Variants in FBLN7 observed in about 807,000 individuals in gnomAD.
FBLN7 encodes fibulin-7.
A neutral mutation model predicts 44.0 loss-of-function variants in FBLN7; 31 were observed. The observed-to-expected ratio is 0.70, with a 90% confidence interval of 0.53 to 0.95. The LOEUF is 0.95. Among genes scored for constraint, FBLN7 ranks in the 40% least tolerant of loss-of-function variants. The pLI is 0.00. For synonymous variants in FBLN7, 262 were observed against 253.4 expected, an observed-to-expected ratio of 1.03 and a Z score of -0.32; for missense variants, 573 against 618.5, an observed-to-expected ratio of 0.93 and a Z score of 0.78.
chr2:112,237,800 C>T, the FBLN7 span, among the ~76,000 whole-genome samples: 1 of 152,112 alleles, frequency 6.6e-6, no homozygotes, highest in South Asian at 2.1e-4. Context: ...CTCCTGACCT[C>T]AAGTGATCCA....
chr2:112,160,738 GCA>G (rs3080965), intron 2 of FBLN7, among the ~76,000 whole-genome samples: 68,560 of 135,134 alleles, frequency 0.51, 16,081 homozygotes, highest in Middle Eastern at 0.68. Context: ...GCACGCACAC[GCA>G]CACACGCGCA....
At chr2:112,160,766 A>ACGCAGACGCACACGCACGCACACGCACG (rs1157536298) in intron 2 of FBLN7, among the ~76,000 whole-genome samples, 3 of 35,436 alleles carry the variant, frequency 8.5e-5, no homozygotes, top group African/African-American at 4.5e-4. Flanking sequence ...ACACGCACGC[A>ACGCAGACGCACACGCACGCACACGCACG]CACGCAGACG....
Position 112,159,678 on chromosome 2 carries a change from C to G in FBLN7, c.78C>G (p.Asn26Lys), listed in dbSNP as rs1195877696. 3 of 1,552,270 alleles carry G rather than the reference C, an allele frequency of 1.9e-6. No individual in the cohort carries two copies. Among genetic ancestry groups the G allele is most frequent in the South Asian group, 1.2e-5 (1 of 84,990 alleles). ...LACPEPRASQNCLSKQQLLSA... is the reference protein window; with the variant it reads ...LACPEPRASQKCLSKQQLLSA... ...GCGGCGATGTCTTCTCTCCGCAGAA[C>G]TGTCTCAGCAAACAGCAGCTCCTCT... The change falls in exon 2 of 8, where the codon AAC becomes AAG. Residue 26 changes from asparagine to lysine, a missense_variant and splice_region_variant. By Grantham distance (94) the Asn-to-Lys change is moderately conservative. Transcript: ENST00000331203.
chr2:112,173,953 G>A (rs1030332059), intron 3 of FBLN7, among the ~76,000 whole-genome samples: 4 of 152,230 alleles, frequency 2.6e-5, no homozygotes, highest in Non-Finnish European at 4.4e-5. Context: ...ACAGCTGTGC[G>A]TTTCTCTGCT....
At chr2:112,201,340 C>T in the FBLN7 span, among the ~76,000 whole-genome samples, 4 of 152,232 alleles carry the variant, frequency 2.6e-5, no homozygotes. Flanking sequence ...AGCCTTGTCA[C>T]AGGTCCTTGC....
At chr2:112,171,491 C>T (rs188594413) in intron 3 of FBLN7, among the ~76,000 whole-genome samples, 1 of 152,092 alleles carries the variant, frequency 6.6e-6, no homozygotes, top group African/African-American at 2.4e-5. Context: ...TGAGGCCTTT[C>T]CCCCGAGACC....
At chr2:112,215,811 G>C in the FBLN7 span, 1 of 152,056 alleles carries the variant, frequency 6.6e-6, no homozygotes, top group African/African-American at 2.4e-5. Flanking sequence ...AAACCAATGA[G>C]AAAGATAAAT....
chr2:112,196,860 G>T, the FBLN7 span, among the ~76,000 whole-genome samples: 1 of 152,120 alleles, frequency 6.6e-6, no homozygotes. Context: ...GGCTGGGGAG[G>T]CCTCACAATC....
chr2:112,141,283 C>T (rs1380668774), intron 1 of FBLN7, among the ~76,000 whole-genome samples: 2 of 152,222 alleles, frequency 1.3e-5, no homozygotes, highest in Admixed American at 1.3e-4. Context: ...TATTCAAGGT[C>T]ACACAACCAG....
Position 112,161,809 on chromosome 2 carries a change from T to G in FBLN7, c.235+1974T>G, listed in dbSNP as rs543427441. 2.1e-4 allele frequency among the ~76,000 whole-genome samples: 32 copies of G among 152,356 alleles called. No individual in the cohort carries two copies. The South Asian group carries it at 2.3e-3, about 11-fold the overall frequency. On this transcript the variant is annotated intron_variant, in intron 2 of 7. Transcript: ENST00000331203. Reference sequence around the variant, plus strand: ...ATTTTTTAAAGTGCCAAATTCTCTTTTTAAAAAATCGCCATCATGTATTGT... The same window carrying G: ...ATTTTTTAAAGTGCCAAATTCTCTTGTTAAAAAATCGCCATCATGTATTGT...
chr2:112,169,217 G>A (rs1682324718), intron 3 of FBLN7, among the ~76,000 whole-genome samples: 1 of 152,148 alleles, frequency 6.6e-6, no homozygotes, highest in Non-Finnish European at 1.5e-5. Context: ...AAGTTGCAGT[G>A]AGCCGAAATC....
the FBLN7 span, chr2:112,238,457 A>G: frequency 6.2e-7 from 1 of 1,613,380 alleles, no homozygotes; most frequent in Non-Finnish European, 8.5e-7. Flanking sequence ...CATTATCACT[A>G]TATACATCAT....
At chr2:112,171,050 C>A (rs895465524) in intron 3 of FBLN7, among the ~76,000 whole-genome samples, 1 of 152,024 alleles carries the variant, frequency 6.6e-6, no homozygotes, top group African/African-American at 2.4e-5. Context: ...TTAAACAGCT[C>A]GTGTGTGGGT....
the FBLN7 span, among the ~76,000 whole-genome samples, chr2:112,210,789 GAC>G: frequency 6.6e-6 from 1 of 151,040 alleles, no homozygotes; most frequent in Non-Finnish European, 1.5e-5. Flanking sequence ...ATACACACAA[GAC>G]ACATATTCCC....
At chr2:112,240,952 AGTGTGTGT>A in the FBLN7 span, among the ~76,000 whole-genome samples, 846 of 142,704 alleles carry the variant, frequency 5.9e-3, 11 homozygotes, top group East Asian at 0.071. Context: ...TACAGGTAAC[AGTGTGTGT>A]GTGTGTGTGT....
chr2:112,150,619 G>T (rs926736355), intron 1 of FBLN7, among the ~76,000 whole-genome samples: 9 of 152,184 alleles, frequency 5.9e-5, no homozygotes, highest in Admixed American at 5.2e-4. Context: ...GTAGCACGTG[G>T]TGAAGACTCC....
downstream of FBLN7, among the ~76,000 whole-genome samples, chr2:112,191,799 A>G (rs1683500006): frequency 6.6e-6 from 1 of 152,152 alleles, no homozygotes; most frequent in Non-Finnish European, 1.5e-5. Flanking sequence ...CATTTTCCTG[A>G]AATTTTTAGA....
At chr2:112,166,004 T>C (rs1001513468) in intron 3 of FBLN7, among the ~76,000 whole-genome samples, 3 of 151,466 alleles carry the variant, frequency 2.0e-5, no homozygotes, top group Non-Finnish European at 2.9e-5. Context: ...ACGGACATTA[T>C]ATAAACAAGA....
At chr2:112,155,487 C>T (rs1681366281) in intron 1 of FBLN7, among the ~76,000 whole-genome samples, 1 of 152,242 alleles carries the variant, frequency 6.6e-6, no homozygotes, top group African/African-American at 2.4e-5. Context: ...TTGTACCACG[C>T]TCTGTTTCAT....
Sources: allele counts gnomAD v4.1 joint callset (sites outside exome capture counted in the v4.1 genomes callset), GRCh38; gene constraint gnomAD v4.1.1; transcripts MANE v1.5; gene names NCBI Gene and HGNC (gene_info 2026-07-23, HGNC 2026-07-21).